The following RNF228 variants were observed in gnomAD, a reference collection of about 807,000 sequenced individuals.
RNF228 encodes ring finger protein 228.
At chr2:222,317,965 A>G in the RNF228 span, 1 of 152,236 alleles carries the variant, frequency 6.6e-6, no homozygotes, top group African/African-American at 2.4e-5. Flanking sequence ...CTGCTTATCA[A>G]ACAATTTTCT....
chr2:222,319,440 C>T, the RNF228 span: 2 of 200,514 alleles, frequency 1.0e-5, no homozygotes, highest in Non-Finnish European at 2.0e-5. This position sits in a 1 kb window ranked among gnomAD's most constrained non-coding sequence, Gnocchi z 7.6. Context: ...GGGGCGGGCT[C>T]GAGGCCCGGG....
the RNF228 span, among the ~76,000 whole-genome samples, chr2:222,315,894 T>C: frequency 6.6e-6 from 1 of 152,224 alleles, no homozygotes; most frequent in Admixed American, 6.5e-5. Flanking sequence ...GTCTAACCTG[T>C]AGCCCTAGAA....
the RNF228 span, chr2:222,318,812 T>C: frequency 1.6e-5 from 2 of 123,300 alleles, no homozygotes; most frequent in African/African-American, 3.0e-5. Flanking sequence ...TCAGTTTCCC[T>C]CTCTGGCCCA....
At chr2:222,314,875 G>A in the RNF228 span, among the ~76,000 whole-genome samples, 10 of 152,280 alleles carry the variant, frequency 6.6e-5, no homozygotes, top group East Asian at 3.9e-4. Context: ...TCCCAGTTAC[G>A]CAGGTGCTGC....
At chr2:222,317,226 A>G in the RNF228 span, 1 of 152,234 alleles carries the variant, frequency 6.6e-6, no homozygotes, top group East Asian at 1.9e-4. Flanking sequence ...CATGAAATTA[A>G]TGTCATGAAA....
chr2:222,318,175 G>C, the RNF228 span: 1 of 152,266 alleles, frequency 6.6e-6, no homozygotes. Context: ...AGCTCCCTGA[G>C]TCTAGTTACA....
At chr2:222,315,482 A>T in the RNF228 span, among the ~76,000 whole-genome samples, 4 of 152,306 alleles carry the variant, frequency 2.6e-5, no homozygotes, top group African/African-American at 9.6e-5. Flanking sequence ...CTCTCTGGGG[A>T]GGTAATATTA....
the RNF228 span, among the ~76,000 whole-genome samples, chr2:222,319,552 G>T: frequency 6.9e-6 from 1 of 145,840 alleles, no homozygotes; most frequent in Non-Finnish European, 1.5e-5. This position sits in a 1 kb window ranked among gnomAD's most constrained non-coding sequence, Gnocchi z 7.6. Flanking sequence ...GCGGGCGCGG[G>T]CAGGCGCGCG....
At chr2:222,319,788 G>A in the RNF228 span, among the ~76,000 whole-genome samples, 6 of 148,512 alleles carry the variant, frequency 4.0e-5, no homozygotes, top group Non-Finnish European at 7.5e-5. The surrounding 1 kb of genome is among the most constrained non-coding windows in gnomAD (Gnocchi z 7.6). Context: ...GGCGGCGGCG[G>A]CGCGGAGCTG....
chr2:222,317,379 C>T, the RNF228 span: 1 of 152,228 alleles, frequency 6.6e-6, no homozygotes, highest in East Asian at 1.9e-4. Flanking sequence ...GATACAAATG[C>T]TCGATTCAAG....
At chr2:222,318,363 G>GC in the RNF228 span, 1 of 152,224 alleles carries the variant, frequency 6.6e-6, no homozygotes, top group Non-Finnish European at 1.5e-5. Flanking sequence ...CCGTGCACCT[G>GC]CCCCATCGCG....
the RNF228 span, chr2:222,317,706 C>T: frequency 6.6e-6 from 1 of 152,150 alleles, no homozygotes; most frequent in Non-Finnish European, 1.5e-5. Flanking sequence ...CCAACAATAT[C>T]AAACAGCTAA....
chr2:222,319,104 G>C, the RNF228 span: 1 of 202,078 alleles, frequency 4.9e-6, no homozygotes, highest in Non-Finnish European at 9.9e-6. The surrounding 1 kb of genome is among the most constrained non-coding windows in gnomAD (Gnocchi z 7.6). Context: ...GCCCCCCGTC[G>C]AGCCCGCGGC....
At chr2:222,317,812 G>A in the RNF228 span, 1 of 152,120 alleles carries the variant, frequency 6.6e-6, no homozygotes. Context: ...TTTCATGTTT[G>A]GGCACTAGTT....
At chr2:222,317,166 A>G in the RNF228 span, 21 of 152,338 alleles carry the variant, frequency 1.4e-4, no homozygotes, top group East Asian at 3.9e-3. Context: ...TTAGAAGGGG[A>G]CATGTATTTA....
the RNF228 span, chr2:222,319,289 G>A: frequency 1.5e-5 from 5 of 343,558 alleles, no homozygotes; most frequent in African/African-American, 6.5e-5. The surrounding 1 kb of genome is among the most constrained non-coding windows in gnomAD (Gnocchi z 7.6). Flanking sequence ...CCCCGCCGCC[G>A]TAGTGGTTGA....
At chr2:222,315,156 G>A in the RNF228 span, among the ~76,000 whole-genome samples, 1 of 151,980 alleles carries the variant, frequency 6.6e-6, no homozygotes, top group African/African-American at 2.4e-5. Context: ...AGGATCTCAG[G>A]AGTTATGGTC....
the RNF228 span, among the ~76,000 whole-genome samples, chr2:222,317,009 C>A: frequency 6.6e-6 from 1 of 152,214 alleles, no homozygotes; most frequent in African/African-American, 2.4e-5. Flanking sequence ...TAAGTTACTT[C>A]TCTCTTCAGA....
chr2:222,314,811 G>C, the RNF228 span, among the ~76,000 whole-genome samples: 15 of 152,226 alleles, frequency 9.9e-5, no homozygotes, highest in Non-Finnish European at 1.9e-4. Flanking sequence ...CAAATAGTAA[G>C]AAATTTAATA....
Sources: gnomAD v4.1 joint callset for allele counts (sites outside exome capture counted in the v4.1 genomes callset) on GRCh38, gnomAD v4.1.1 for gene constraint, Gnocchi (gnomAD v3.1) non-coding constraint, MANE v1.5 for transcripts, NCBI Gene and HGNC (gene_info 2026-07-23, HGNC 2026-07-21) for gene names.